TMEM67: variants seen among roughly 807,000 people sequenced by gnomAD.
TMEM67 encodes meckelin.
A neutral mutation model predicts 136.6 loss-of-function variants in TMEM67; 124 were observed. That is an observed-to-expected ratio of 0.91 (90% CI 0.78 to 1.05). TMEM67 has a LOEUF of 1.05. TMEM67 is among the 50% of genes least tolerant of loss of function. TMEM67 has a pLI of 0.00. For synonymous variants in TMEM67, 364 were observed against 390.5 expected (o/e 0.93, Z 0.80); for missense variants, 1,107 against 1,178.4 (o/e 0.94, Z 0.89).
intron 7 of TMEM67, among the ~76,000 whole-genome samples, chr8:93,772,862 G>A (rs1563685939): frequency 1.3e-5 from 2 of 152,090 alleles, no homozygotes; most frequent in African/African-American, 2.4e-5. Context: ...AGCTTTTTTA[G>A]CTGAAACGGA....
intron 15 of TMEM67, among the ~76,000 whole-genome samples, chr8:93,792,773 CTTT>C (rs11379711): frequency 2.2e-5 from 3 of 136,092 alleles, no homozygotes; most frequent in African/African-American, 2.7e-5. Flanking sequence ...TGTGTCCTTT[CTTT>C]TTTTTTTTTT....
Position 93,797,323 on chromosome 8 carries a change from C to T in TMEM67, c.1961-8C>T. 1 of 1,614,054 alleles carries T rather than the reference C, an allele frequency of 6.2e-7. No individual in the cohort carries two copies. The highest frequency in any genetic ancestry group is 8.5e-7 in the Non-Finnish European group (1 of 1,179,984). On this transcript the variant is annotated splice_region_variant and splice_polypyrimidine_tract_variant and intron_variant, in intron 19 of 27. Coordinates refer to ENST00000453321, the MANE Select transcript of TMEM67 (RefSeq NM_153704.6). ...AAACTCTTTTACTCATTTTATTTTC[C>T]TGACCAGGTGAGGGTGGTGTACGAA...
the TMEM67 span, among the ~76,000 whole-genome samples, chr8:93,832,643 C>T: frequency 2.0e-5 from 3 of 152,056 alleles, no homozygotes; most frequent in Non-Finnish European, 4.4e-5. Flanking sequence ...CCAAGGCAGG[C>T]GGATCACTTG....
At chr8:93,821,276 T>G (rs1297893128), downstream of TMEM67, among the ~76,000 whole-genome samples, 1 of 152,066 alleles carries the variant, frequency 6.6e-6, no homozygotes, top group Non-Finnish European at 1.5e-5. Flanking sequence ...TTCATGTAGG[T>G]CTTTTAGTTT....
chr8:93,776,678 A>G (rs1039749670), intron 7 of TMEM67, among the ~76,000 whole-genome samples: 9 of 152,220 alleles, frequency 5.9e-5, no homozygotes, highest in Non-Finnish European at 1.2e-4. Context: ...GTGTTGAACC[A>G]GCCTAGCATC....
intron 4 of TMEM67, among the ~76,000 whole-genome samples, chr8:93,764,280 A>G (rs973125428): frequency 1.3e-5 from 2 of 152,214 alleles, no homozygotes; most frequent in Non-Finnish European, 2.9e-5. Flanking sequence ...GTATAGTGCT[A>G]CATAGTAACC....
In TMEM67 at chr8:93,799,904, CT is replaced by C. The variant is rs35554591; in HGVS notation, c.2241+167del. On this transcript the variant is annotated intron_variant, in intron 21 of 27. Transcript: ENST00000453321. ...CAAGAACAATAGCTAATGGTCAGTTCTTTTTTTTTTTTTTTTTTTTTGAAAC... is the reference window on the plus strand; with the variant it reads ...CAAGAACAATAGCTAATGGTCAGTTCTTTTTTTTTTTTTTTTTTTTGAAAC... The C allele has an allele frequency of 0.39, 135,073 of 346,034 alleles. 8,910 individuals are homozygous for C. Among genetic ancestry groups the C allele is most frequent in the East Asian group, 0.44 (7,120 of 16,172 alleles). 21.4% of individuals were successfully genotyped at this position (346,034 alleles called of 1,614,324 possible).
chr8:93,814,069 CT>C (rs1486269128), intron 26 of TMEM67, among the ~76,000 whole-genome samples: 1 of 151,370 alleles, frequency 6.6e-6, no homozygotes, highest in African/African-American at 2.4e-5. Flanking sequence ...TGTCCATGGG[CT>C]GCTTCAGTGG....
chr8:93,828,499 G>A, the TMEM67 span, among the ~76,000 whole-genome samples: 2 of 152,316 alleles, frequency 1.3e-5, no homozygotes, highest in South Asian at 2.1e-4. Context: ...CAACACTTTG[G>A]GAGGCCAAGG....
intron 26 of TMEM67, among the ~76,000 whole-genome samples, chr8:93,813,149 CTCT>C (rs1302001527): frequency 1.3e-5 from 2 of 151,954 alleles, no homozygotes; most frequent in Non-Finnish European, 1.5e-5. Flanking sequence ...TCCTATCTTC[CTCT>C]TCTTTCTAAG....
intron 6 of TMEM67, among the ~76,000 whole-genome samples, chr8:93,772,230 A>G (rs895038298): frequency 4.6e-5 from 7 of 152,150 alleles, no homozygotes; most frequent in Admixed American, 1.3e-4. Context: ...TTGCTTGCCA[A>G]TTTGGTACAG....
At chr8:93,802,438 G>C (rs564580652) in intron 21 of TMEM67, among the ~76,000 whole-genome samples, 2 of 151,874 alleles carry the variant, frequency 1.3e-5, no homozygotes, top group African/African-American at 4.8e-5. Context: ...AGAAAGGATT[G>C]TTGGGACAGC....
intron 10 of TMEM67, among the ~76,000 whole-genome samples, 197 bp from the exon 11 acceptor site, chr8:93,782,198 G>A (rs1046982443): frequency 5.9e-5 from 9 of 152,188 alleles, no homozygotes; most frequent in African/African-American, 2.2e-4. Flanking sequence ...GCAGGCATGA[G>A]CCACCATGCC....
At chr8:93,758,788 T>G in intron 3 of TMEM67, 1 of 528,204 alleles carries the variant, frequency 1.9e-6, no homozygotes, top group Non-Finnish European at 3.4e-6. Flanking sequence ...TTGTAGAGAC[T>G]GGGTCTCGTT....
At chr8:93,775,962 A>T (rs1336832968) in intron 7 of TMEM67, among the ~76,000 whole-genome samples, 2 of 152,150 alleles carry the variant, frequency 1.3e-5, no homozygotes, top group African/African-American at 2.4e-5. Context: ...CATTTTCACG[A>T]TATTGATTCT....
At chr8:93,809,210 A>T (rs1412890491) in intron 25 of TMEM67, 49 bp downstream of exon 25, 2 of 1,150,152 alleles carry the variant, frequency 1.7e-6, no homozygotes, top group African/African-American at 3.0e-5. Context: ...TGCAATTTTT[A>T]AAAAGTTAAG....
chr8:93,815,489 G>A, intron 27 of TMEM67, 42 bp downstream of exon 27: 1 of 1,538,374 alleles, frequency 6.5e-7, no homozygotes, highest in Non-Finnish European at 9.0e-7. Context: ...TCATTTTCTT[G>A]AGAGAAATAT....
chr8:93,809,781 T>C lies in TMEM67; in HGVS notation c.2662-4T>C, dbSNP rs374804519. On this transcript the variant is annotated splice_polypyrimidine_tract_variant and splice_region_variant and intron_variant, in intron 25 of 27. Transcript: ENST00000453321. ...TGAAATGATGCTGTCTTTTTCTTTA[T>C]TAGGTTCATAAGGAAATGGATTACT... 47 of 1,493,896 alleles carry C rather than the reference T, an allele frequency of 3.1e-5. No homozygotes were observed. The highest frequency in any genetic ancestry group is 4.4e-5 in the Non-Finnish European group (47 of 1,071,610). 92.5% of individuals were successfully genotyped at this position (1,493,896 alleles called of 1,614,324 possible).
chr8:93,768,476 G>A (rs1009362340), intron 6 of TMEM67, among the ~76,000 whole-genome samples: 1 of 151,692 alleles, frequency 6.6e-6, no homozygotes, highest in Non-Finnish European at 1.5e-5. Flanking sequence ...TCTGGGTGTG[G>A]TGGTGCCCTC....
Sources: gnomAD v4.1 joint callset for allele counts (sites outside exome capture counted in the v4.1 genomes callset) on GRCh38, gnomAD v4.1.1 for gene constraint, MANE v1.5 for transcripts, NCBI Gene and HGNC (gene_info 2026-07-23, HGNC 2026-07-21) for gene names.